CCSER1: variants seen among roughly 807,000 people sequenced by gnomAD.
CCSER1 encodes coiled-coil serine rich protein 1.
In CCSER1, 41 loss-of-function variants were observed where a neutral mutation model predicts 82.0. The ratio of observed to expected loss-of-function variants is 0.50; its 90% CI spans 0.39 to 0.65. The LOEUF (loss-of-function observed/expected upper bound fraction) is 0.65. Among genes scored for constraint, CCSER1 ranks in the 30% least tolerant of loss-of-function variants. The pLI is 0.00. For missense variants in CCSER1, 1,119 were observed against 1,064.2 expected, an observed-to-expected ratio of 1.05 and a Z score of -0.72; for synonymous variants, 414 against 383.9, an observed-to-expected ratio of 1.08 and a Z score of -0.92.
At chr4:91,024,903 T>A (rs953435203) in intron 9 of CCSER1, among the ~76,000 whole-genome samples, 13 of 152,038 alleles carry the variant, frequency 8.6e-5, no homozygotes, top group African/African-American at 3.1e-4. Context: ...TATTAGTATA[T>A]TATATACATA....
At chr4:91,458,373 T>G (rs1208590297) in intron 10 of CCSER1, among the ~76,000 whole-genome samples, 1 of 152,178 alleles carries the variant, frequency 6.6e-6, no homozygotes, top group Admixed American at 6.6e-5. Context: ...CTTCCATTGG[T>G]CTATGTGTCT....
chr4:90,614,092 A>C (rs573070523), intron 5 of CCSER1, among the ~76,000 whole-genome samples: 17 of 152,270 alleles, frequency 1.1e-4, no homozygotes, highest in African/African-American at 3.6e-4. Context: ...TCTGTGCCAC[A>C]ATTTGGTATT....
intron 4 of CCSER1, among the ~76,000 whole-genome samples, chr4:90,440,732 G>T (rs1759750874): frequency 6.6e-6 from 1 of 151,724 alleles, no homozygotes; most frequent in Non-Finnish European, 1.5e-5. Flanking sequence ...AGTTTATCAA[G>T]ATTTTTAACA....
At chr4:90,780,717 G>A (rs142380858) in intron 7 of CCSER1, 15,210 of 1,296,912 alleles carry the variant, frequency 0.012, 122 homozygotes, top group Non-Finnish European at 0.013. Context: ...AGGCCTCCTT[G>A]CTCCAAGAAT....
Position 90,609,040 on chromosome 4 carries a change from G to C in CCSER1, c.1725-18985G>C, listed in dbSNP as rs200034096. ...TGCAGTTCTTGCATCAAATAGTACC[G>C]CCTCCAAGATAGAATCCTGGATTCC... On this transcript the variant is annotated intron_variant, in intron 5 of 10. Transcript: ENST00000509176. 4.0e-5 allele frequency among the ~76,000 whole-genome samples: 6 copies of C among 151,832 alleles called. No homozygotes were observed. In the East Asian group the frequency reaches 1.2e-3, roughly 29 times the overall value.
At chr4:90,398,525 C>T (rs1752361405) in intron 3 of CCSER1, among the ~76,000 whole-genome samples, 1 of 152,208 alleles carries the variant, frequency 6.6e-6, no homozygotes. Flanking sequence ...CAAAATTCTC[C>T]CTTTAAAAAG....
At chr4:90,465,780 G>A (rs1354292578) in intron 4 of CCSER1, among the ~76,000 whole-genome samples, 1 of 152,130 alleles carries the variant, frequency 6.6e-6, no homozygotes, top group African/African-American at 2.4e-5. Flanking sequence ...GTGTACTGAA[G>A]TGCTAGTAAA....
At chr4:90,340,932 GTAA>G (rs1741266024) in intron 3 of CCSER1, among the ~76,000 whole-genome samples, 1 of 152,036 alleles carries the variant, frequency 6.6e-6, no homozygotes, top group African/African-American at 2.4e-5. Context: ...GATATGTTTA[GTAA>G]TAATAAAGCT....
chr4:90,620,564 T>C (rs1167139816), intron 5 of CCSER1, among the ~76,000 whole-genome samples: 5 of 152,170 alleles, frequency 3.3e-5, no homozygotes, highest in Admixed American at 3.3e-4. Context: ...TAGAAATAAA[T>C]AGTTACACAG....
intron 10 of CCSER1, among the ~76,000 whole-genome samples, chr4:91,456,994 A>T (rs1756216628): frequency 6.6e-6 from 1 of 152,116 alleles, no homozygotes; most frequent in Non-Finnish European, 1.5e-5. Context: ...AATAAGAATT[A>T]TTTAATTTAG....
chr4:90,209,353 G>C (rs775851346), intron 1 of CCSER1, among the ~76,000 whole-genome samples: 1 of 152,090 alleles, frequency 6.6e-6, no homozygotes, highest in Non-Finnish European at 1.5e-5. Flanking sequence ...GTAGGGATCT[G>C]GGCAATGAGT....
At chr4:90,152,960 G>C (rs926306585) in intron 1 of CCSER1, among the ~76,000 whole-genome samples, 8 of 149,612 alleles carry the variant, frequency 5.3e-5, no homozygotes, top group South Asian at 2.2e-4. Context: ...ATGTATACAT[G>C]TGCCATGCTG....
intron 10 of CCSER1, among the ~76,000 whole-genome samples, chr4:91,170,553 T>C (rs1336303701): frequency 1.3e-5 from 2 of 152,204 alleles, no homozygotes; most frequent in African/African-American, 2.4e-5. Flanking sequence ...AGAACCCGAT[T>C]CAAGGCAGCT....
At chr4:91,005,510 C>T (rs1738428476) in intron 9 of CCSER1, among the ~76,000 whole-genome samples, 1 of 151,646 alleles carries the variant, frequency 6.6e-6, no homozygotes, top group South Asian at 2.1e-4. Context: ...CTATGCTTGC[C>T]TGTAAGCTGG....
intron 10 of CCSER1, among the ~76,000 whole-genome samples, chr4:91,137,023 T>TTA (rs397698752): frequency 2.7e-5 from 4 of 145,644 alleles, no homozygotes; most frequent in African/African-American, 7.5e-5. Context: ...TTTTTTTTTT[T>TTA]ATTATACTTT....
chr4:91,481,820 C>G lies in CCSER1; in HGVS notation c.2218-116752C>G, dbSNP rs182200622. Among the ~76,000 whole-genome samples the G allele has an allele frequency of 1.9e-3, 283 of 152,146 alleles. 1 individual carries two copies. The highest frequency in any genetic ancestry group is 2.6e-3 in the Non-Finnish European group (176 of 68,010). ...GCTTCTGAACAGCAAAAGAAACTACCATCAGAGTGAACAGGCAACCTACAG... is the reference window on the plus strand; with the variant it reads ...GCTTCTGAACAGCAAAAGAAACTACGATCAGAGTGAACAGGCAACCTACAG... On this transcript the variant is annotated intron_variant, in intron 10 of 10. Transcript: ENST00000509176.
chr4:90,750,995 T>C lies in CCSER1; in HGVS notation c.2010+27004T>C, dbSNP rs1194470669. 3.9e-5 allele frequency among the ~76,000 whole-genome samples: 6 copies of C among 152,164 alleles called. No individual in the cohort carries two copies. In the South Asian group the frequency reaches 8.3e-4, roughly 21 times the overall value. On this transcript the variant is annotated intron_variant, in intron 7 of 10. Transcript: ENST00000509176. ...ACCTTTATTAGTAATCATTTCTATA[T>C]TATGCTGAAAATAACTTTTTTTAAC... is the stretch of plus-strand genomic sequence containing the variant.
chr4:90,340,109 A>G (rs1332669029), intron 3 of CCSER1, among the ~76,000 whole-genome samples: 1 of 152,126 alleles, frequency 6.6e-6, no homozygotes, highest in Non-Finnish European at 1.5e-5. Context: ...TTTCCCCCCA[A>G]CACTTCCAAT....
chr4:90,218,109 C>T (rs1402891648), intron 1 of CCSER1, among the ~76,000 whole-genome samples: 1 of 152,094 alleles, frequency 6.6e-6, no homozygotes, highest in Non-Finnish European at 1.5e-5. Flanking sequence ...CCCTTAATGT[C>T]TAGTTTCTTA....
Sources: allele counts gnomAD v4.1 joint callset (sites outside exome capture counted in the v4.1 genomes callset), GRCh38; gene constraint gnomAD v4.1.1; transcripts MANE v1.5; gene names NCBI Gene and HGNC (gene_info 2026-07-23, HGNC 2026-07-21).